RARB: variants seen among roughly 807,000 people sequenced by gnomAD.
RARB encodes the protein retinoic acid receptor beta.
RARB carries 17 observed loss-of-function variants against 51.9 expected under a neutral mutation model. The observed-to-expected ratio is 0.33, with a 90% CI of 0.22 to 0.49. The LOEUF (loss-of-function observed/expected upper bound fraction) is 0.49, where lower values mean the gene tolerates loss of function less well. RARB is among the 20% of genes least tolerant of loss of function. The pLI is 0.99. For missense variants in RARB, 369 were observed against 550.8 expected (o/e 0.67, Z 3.30); for synonymous variants, 215 against 195.4 (o/e 1.10, Z -0.84).
chr3:25,290,029 A>G (rs1033147770), intron 5 of RARB, among the ~76,000 whole-genome samples: 2 of 152,084 alleles, frequency 1.3e-5, no homozygotes, highest in Non-Finnish European at 2.9e-5. Context: ...TCCCCCTCTC[A>G]GTCCTTGGGT....
intron 5 of RARB, among the ~76,000 whole-genome samples, chr3:25,195,487 C>G (rs561954506): frequency 6.6e-6 from 1 of 152,096 alleles, no homozygotes; most frequent in South Asian, 2.1e-4. Context: ...TTGGAGATCC[C>G]TAATATATTC....
intron 5 of RARB, among the ~76,000 whole-genome samples, chr3:25,414,472 T>G (rs1259213673): frequency 6.6e-6 from 1 of 152,216 alleles, no homozygotes; most frequent in Non-Finnish European, 1.5e-5. Context: ...TAAGAATATG[T>G]TCACCTTTTT....
intron 5 of RARB, among the ~76,000 whole-genome samples, chr3:25,588,884 A>C (rs777541440): frequency 2.0e-5 from 3 of 152,178 alleles, no homozygotes; most frequent in Non-Finnish European, 4.4e-5. Context: ...AGGAAGTGAC[A>C]ATGCTTTTTG....
chr3:25,109,170 G>T (rs1699558739), intron 3 of RARB, among the ~76,000 whole-genome samples: 1 of 152,100 alleles, frequency 6.6e-6, no homozygotes. Context: ...CAAATGGGTA[G>T]GTATAGTTAC....
chr3:25,456,080 C>A (rs1397479476), intron 1 of RARB, among the ~76,000 whole-genome samples: 1 of 152,172 alleles, frequency 6.6e-6, no homozygotes, highest in South Asian at 2.1e-4. Context: ...GTCTGCTGAG[C>A]CGGCAGAGTT....
chr3:24,966,995 T>C (rs1361956606), intron 2 of RARB, among the ~76,000 whole-genome samples: 2 of 152,160 alleles, frequency 1.3e-5, no homozygotes, highest in Admixed American at 1.3e-4. Flanking sequence ...CAGATGCCCA[T>C]ATTCAAAATT....
chr3:25,344,834 C>T (rs11717848), intron 5 of RARB, among the ~76,000 whole-genome samples: 18,248 of 152,136 alleles, frequency 0.12, 1,196 homozygotes, highest in South Asian at 0.2. Flanking sequence ...GCATGTTTTT[C>T]TTGTTCATTT....
intron 2 of RARB, among the ~76,000 whole-genome samples, chr3:25,470,973 T>G (rs1289392966): frequency 2.0e-5 from 3 of 152,220 alleles, no homozygotes; most frequent in Non-Finnish European, 4.4e-5. Context: ...TATGCTTTTA[T>G]CATAAGTTAT....
At chr3:25,396,285 T>A (rs1707111961) in intron 5 of RARB, among the ~76,000 whole-genome samples, 1 of 152,218 alleles carries the variant, frequency 6.6e-6, no homozygotes, top group African/African-American at 2.4e-5. Context: ...ATTGAACTCT[T>A]TGAGGGTCCT....
intron 1 of RARB, among the ~76,000 whole-genome samples, chr3:25,439,307 C>T (rs1317098111): frequency 2.0e-5 from 3 of 148,586 alleles, no homozygotes; most frequent in Admixed American, 7.0e-5. Context: ...GGATCCCAAA[C>T]CTAAGTTAAC....
chr3:24,989,440 T>A (rs1438232090), intron 2 of RARB, among the ~76,000 whole-genome samples: 1 of 113,948 alleles, frequency 8.8e-6, no homozygotes, highest in Non-Finnish European at 1.8e-5. Context: ...TAATATCGAT[T>A]TTCACTCCCA....
chr3:25,209,243 C>T (rs758455223), intron 5 of RARB, among the ~76,000 whole-genome samples: 4 of 152,134 alleles, frequency 2.6e-5, no homozygotes, highest in Non-Finnish European at 5.9e-5. Context: ...GCAGAAGATC[C>T]CTGGGACCAG....
At chr3:25,141,791 T>A (rs1412394002) in intron 4 of RARB, among the ~76,000 whole-genome samples, 1 of 152,188 alleles carries the variant, frequency 6.6e-6, no homozygotes, top group Non-Finnish European at 1.5e-5. Context: ...TAAATCTAGA[T>A]TTTAATAAAA....
intron 5 of RARB, among the ~76,000 whole-genome samples, chr3:25,401,798 A>G (rs1312456324): frequency 1.3e-5 from 2 of 152,136 alleles, no homozygotes; most frequent in Non-Finnish European, 2.9e-5. Flanking sequence ...TTCTTTTGAG[A>G]TGGAGTCTCC....
chr3:25,281,862 A>T (rs1276347812), intron 5 of RARB, among the ~76,000 whole-genome samples: 1 of 152,196 alleles, frequency 6.6e-6, no homozygotes, highest in Non-Finnish European at 1.5e-5. Context: ...TCCTACAGGG[A>T]TATCTCCTGT....
intron 5 of RARB, among the ~76,000 whole-genome samples, chr3:25,250,638 T>C (rs1335377984): frequency 6.6e-6 from 1 of 152,050 alleles, no homozygotes; most frequent in Non-Finnish European, 1.5e-5. Context: ...GGGATGTCAA[T>C]TGGGCTTCAG....
At chr3:25,218,012 T>C (rs958508566) in intron 5 of RARB, among the ~76,000 whole-genome samples, 8 of 152,364 alleles carry the variant, frequency 5.3e-5, no homozygotes, top group Admixed American at 2.6e-4. Context: ...TTTTTTGTTT[T>C]CATCTACAGG....
intron 2 of RARB, among the ~76,000 whole-genome samples, chr3:24,939,837 A>G (rs965676947): frequency 7.2e-5 from 11 of 152,244 alleles, no homozygotes; most frequent in African/African-American, 2.2e-4. Flanking sequence ...ATGTAATCAT[A>G]CATGAACATG....
intron 5 of RARB, among the ~76,000 whole-genome samples, chr3:25,299,736 A>G (rs1240158257): frequency 6.6e-6 from 1 of 151,978 alleles, no homozygotes; most frequent in Non-Finnish European, 1.5e-5. Context: ...TCAGCAGCCT[A>G]CTAAAAGGTC....
Sources: allele counts gnomAD v4.1 joint callset (sites outside exome capture counted in the v4.1 genomes callset), GRCh38; gene constraint gnomAD v4.1.1; transcripts MANE v1.5; gene names NCBI Gene and HGNC (gene_info 2026-07-23, HGNC 2026-07-21).